EYS: variants seen among roughly 807,000 people sequenced by gnomAD.
The protein encoded by EYS is protein eyes shut homolog.
A neutral mutation model predicts 282.1 loss-of-function variants in EYS; 250 were observed. The ratio of observed to expected loss-of-function variants is 0.89; its 90% CI spans 0.80 to 0.98. The LOEUF is 0.98. Ranked by LOEUF, EYS falls within the 50% of genes least tolerant of loss-of-function variation. EYS has a pLI of 0.00. For missense variants in EYS, 4,016 were observed against 3,709.0 expected (o/e 1.08, Z -2.15); for synonymous variants, 1,355 against 1,282.9 (o/e 1.06, Z -1.20).
At chr6:64,240,585 A>G (rs1270774510) in intron 30 of EYS, among the ~76,000 whole-genome samples, 1 of 152,072 alleles carries the variant, frequency 6.6e-6, no homozygotes, top group African/African-American at 2.4e-5. Flanking sequence ...AATGCTTGTG[A>G]TTTTTGCACA....
chr6:63,907,184 C>T (rs1355972744), intron 35 of EYS, among the ~76,000 whole-genome samples: 1 of 152,058 alleles, frequency 6.6e-6, no homozygotes, highest in African/African-American at 2.4e-5. Context: ...TTCTTTCAGG[C>T]CTAGTTTATA....
rs897942430 is a variant in EYS, at chr6:64,884,488, G to A, written c.2992+2209C>T. On this transcript the variant is annotated intron_variant, in intron 19 of 42. Transcript: ENST00000503581. Reference sequence around the variant, plus strand: ...AAGATTCTTTAAGTAAAACCTTGCAGTGTCATGACTCTCTTGAAATGGAAC... The same window carrying A: ...AAGATTCTTTAAGTAAAACCTTGCAATGTCATGACTCTCTTGAAATGGAAC... Among the ~76,000 whole-genome samples, 7 of 151,416 alleles carry A rather than the reference G, an allele frequency of 4.6e-5. No individual in the cohort carries two copies. The Admixed American group carries it at 4.6e-4, about 10-fold the overall frequency.
At chr6:64,211,050 T>A (rs557247276) in intron 31 of EYS, among the ~76,000 whole-genome samples, 1 of 152,256 alleles carries the variant, frequency 6.6e-6, no homozygotes, top group Admixed American at 6.5e-5. Context: ...TCCCTGGTTC[T>A]GAGGCTTTTG....
intron 22 of EYS, among the ~76,000 whole-genome samples, chr6:64,769,066 T>A (rs1017493657): frequency 2.0e-5 from 3 of 152,052 alleles, no homozygotes; most frequent in Non-Finnish European, 4.4e-5. Context: ...CAAAAATAGA[T>A]CTAATTCTGC....
In EYS at chr6:65,109,935, A is replaced by T. The variant is rs568740369; in HGVS notation, c.2024-52208T>A. Reference sequence around the variant, plus strand: ...CCTACTGTGAAAACTGGAATCAAAAATGTTATTCCCTTTTTGTTTAATGAA... The same window carrying T: ...CCTACTGTGAAAACTGGAATCAAAATTGTTATTCCCTTTTTGTTTAATGAA... On this transcript the variant is annotated intron_variant, in intron 12 of 42. Transcript: ENST00000503581. Among the ~76,000 whole-genome samples the T allele has an allele frequency of 1.2e-3, 179 of 152,274 alleles. 2 individuals carry two copies. The South Asian group carries it at 0.017, about 15-fold the overall frequency.
At position 64,589,890 on chromosome 6, in the gene EYS, GA is replaced by G. The variant is rs1261516363; in HGVS notation, c.5644+332del. The stretch of plus-strand genomic sequence containing the variant: ...GTTATATTGTGTTCAACCTGACAAA[GA>G]AGCTATTTCAAGAAATGAGAATAAT... On this transcript the variant is annotated intron_variant, in intron 26 of 42. Transcript: ENST00000503581. 2.6e-5 allele frequency among the ~76,000 whole-genome samples: 4 copies of G among 152,018 alleles called. No individual in the cohort carries two copies. In the East Asian group the frequency reaches 7.7e-4, roughly 29 times the overall value.
chr6:65,646,401 T>G, intron 1 of EYS, among the ~76,000 whole-genome samples: 1 of 152,068 alleles, frequency 6.6e-6, no homozygotes, highest in East Asian at 1.9e-4. Context: ...ATACCCAACA[T>G]AAACAGAATT....
intron 18 of EYS, among the ~76,000 whole-genome samples, chr6:64,888,213 C>T (rs1470381310): frequency 1.3e-5 from 2 of 151,878 alleles, no homozygotes; most frequent in Non-Finnish European, 2.9e-5. Context: ...TGTCCTATTG[C>T]ACAGTACGGT....
At chr6:64,140,491 C>G (rs1774305850) in intron 31 of EYS, among the ~76,000 whole-genome samples, 1 of 152,102 alleles carries the variant, frequency 6.6e-6, no homozygotes, top group Admixed American at 6.5e-5. Flanking sequence ...AGGAGGTGGA[C>G]CTGTATGGAT....
At chr6:64,924,161 C>A (rs190394886) in intron 15 of EYS, among the ~76,000 whole-genome samples, 1 of 152,180 alleles carries the variant, frequency 6.6e-6, no homozygotes, top group African/African-American at 2.4e-5. Context: ...GGCAGAGGTT[C>A]CCAAACCTCA....
chr6:65,377,417 A>G (rs2150346378), intron 8 of EYS, among the ~76,000 whole-genome samples: 1 of 152,328 alleles, frequency 6.6e-6, no homozygotes, highest in African/African-American at 2.4e-5. Context: ...CCACATCAGA[A>G]AGCAGGAAAG....
At chr6:64,991,710 T>G (rs1771071919) in intron 14 of EYS, among the ~76,000 whole-genome samples, 1 of 151,692 alleles carries the variant, frequency 6.6e-6, no homozygotes, top group South Asian at 2.1e-4. Context: ...TTATTCTGCT[T>G]GTCTTAAAGA....
intron 22 of EYS, among the ~76,000 whole-genome samples, chr6:64,695,382 A>G (rs1770538211): frequency 6.6e-6 from 1 of 151,984 alleles, no homozygotes; most frequent in African/African-American, 2.4e-5. Flanking sequence ...CCTTTGCGTG[A>G]TCTTCTGCTA....
chr6:65,378,807 T>G (rs576304400), intron 8 of EYS, among the ~76,000 whole-genome samples: 1 of 152,042 alleles, frequency 6.6e-6, no homozygotes, highest in African/African-American at 2.4e-5. Context: ...CACCACATGT[T>G]CTCACTCATA....
intron 30 of EYS, among the ~76,000 whole-genome samples, chr6:64,239,583 C>T (rs1582470237): frequency 6.8e-6 from 1 of 146,846 alleles, no homozygotes; most frequent in Non-Finnish European, 1.5e-5. Flanking sequence ...ATCCTTTGCC[C>T]ACTTTTTGAT....
chr6:63,754,809 C>T (rs544218753), intron 41 of EYS, among the ~76,000 whole-genome samples: 146 of 152,306 alleles, frequency 9.6e-4, no homozygotes, highest in African/African-American at 3.3e-3. Context: ...CTCCCACCAA[C>T]AGTGTAAAGG....
At chr6:65,266,887 C>CATATATAT (rs10571039) in intron 12 of EYS, among the ~76,000 whole-genome samples, 26 of 139,604 alleles carry the variant, frequency 1.9e-4, no homozygotes, top group South Asian at 6.8e-4. Flanking sequence ...AATGTGTGTG[C>CATATATAT]ATATATATAT....
chr6:65,010,087 A>C (rs1403825466), intron 13 of EYS, among the ~76,000 whole-genome samples: 1 of 152,198 alleles, frequency 6.6e-6, no homozygotes, highest in African/African-American at 2.4e-5. Context: ...CCCCAGTGTT[A>C]AGCTTGTCAA....
intron 39 of EYS, among the ~76,000 whole-genome samples, chr6:63,786,933 G>A (rs1381823455): frequency 6.6e-6 from 1 of 152,102 alleles, no homozygotes; most frequent in Non-Finnish European, 1.5e-5. Flanking sequence ...TGGTAAGTTG[G>A]TAACAATACG....
Sources: allele counts gnomAD v4.1 joint callset (sites outside exome capture counted in the v4.1 genomes callset), GRCh38; gene constraint gnomAD v4.1.1; transcripts MANE v1.5; gene names NCBI Gene and HGNC (gene_info 2026-07-23, HGNC 2026-07-21).